Variants in MYH8 observed in about 807,000 individuals in gnomAD.
MYH8 encodes myosin heavy chain 8.
MYH8 carries 168 observed loss-of-function variants against 233.2 expected under a neutral mutation model. The observed-to-expected ratio is 0.72, with a 90% CI of 0.64 to 0.82. The LOEUF (loss-of-function observed/expected upper bound fraction) is 0.82. Among genes scored for constraint, MYH8 ranks in the 40% least tolerant of loss-of-function variants. The pLI is 0.00. For synonymous variants in MYH8, 785 were observed against 850.6 expected (o/e 0.92, Z 1.34); for missense variants, 1,995 against 2,327.8 (o/e 0.86, Z 2.94).
Position 10,410,852 on chromosome 17 carries a change from G to C in MYH8, c.1512C>G (p.Tyr504Ter), listed in dbSNP as rs192445309. 1 of 1,613,860 alleles carries C rather than the reference G, an allele frequency of 6.2e-7. No homozygotes were observed. Among genetic ancestry groups the C allele is most frequent in the African/African-American group, 1.3e-5 (1 of 74,948 alleles). ...ACGTCCACTCGATGCCTTCCTTCTT[G>C]TACTCCTCCTGCTCTAGCACAAACA... Reference protein sequence around the residue: ...HHMFVLEQEEYKKEGIEWTFI... With the variant: ...HHMFVLEQEE The change falls in exon 15 of 40, where the codon TAC becomes TAG. Residue 504 changes from tyrosine (Y) to a stop codon, truncating the protein, a stop_gained. Coordinates refer to ENST00000403437, the MANE Select transcript of MYH8 (RefSeq NM_002472.3). LOFTEE classifies it high-confidence loss of function.
At position 10,408,225 on chromosome 17, in the gene MYH8, C is replaced by T. The variant is rs375907836; in HGVS notation, c.1965+872G>A. Among the ~76,000 whole-genome samples, 121 of 152,236 alleles carry T rather than the reference C, an allele frequency of 7.9e-4. 1 individual carries two copies. The East Asian group carries it at 0.012, about 15-fold the overall frequency. ...AAGTGCTGGGATTACAGGTGTGAGC[C>T]ACTGCGCCCGGCCAAGAAGGCAGAT... On this transcript the variant is annotated intron_variant, in intron 17 of 39. Coordinates refer to ENST00000403437, the MANE Select transcript of MYH8 (RefSeq NM_002472.3).
intron 33 of MYH8, among the ~76,000 whole-genome samples, chr17:10,395,816 A>G (rs539950634): frequency 1.1e-4 from 17 of 152,256 alleles, no homozygotes; most frequent in Non-Finnish European, 2.1e-4. Flanking sequence ...TTCCGATTAC[A>G]TAATAAATGT....
Position 10,418,809 on chromosome 17 carries a change from G to A in MYH8, c.355-8C>T, listed in dbSNP as rs1269754033. 14 of 1,613,788 alleles carry A rather than the reference G, an allele frequency of 8.7e-6. No individual in the cohort carries two copies. The East Asian group carries it at 1.6e-4, about 18-fold the overall frequency. On this transcript the variant is annotated splice_polypyrimidine_tract_variant and splice_region_variant and intron_variant, in intron 4 of 39. Coordinates refer to ENST00000403437, the MANE Select transcript of MYH8 (RefSeq NM_002472.3). ...GAAGAGGCCTGAGTAGGTCTGGGAA[G>A]ATCAGAACATTTATCATTTGGATCT...
chr17:10,395,062 C>A (rs1249165495), intron 34 of MYH8, 71 bp downstream of exon 34: 1 of 1,560,224 alleles, frequency 6.4e-7, no homozygotes. Context: ...GATCGTTTAA[C>A]AAGGTGTTTG....
At chr17:10,418,579 G>T in intron 5 of MYH8, 66 bp downstream of exon 5, 2 of 1,611,650 alleles carry the variant, frequency 1.2e-6, no homozygotes, top group Admixed American at 1.7e-5. Flanking sequence ...AGGCTCGGAA[G>T]AGGTCTGTCT....
chr17:10,396,741 T>A lies in MYH8; in HGVS notation c.4363-23A>T, dbSNP rs765581701. ...GACCTGAAAAGCAATAAATCATGAG[T>A]TGATCCAAGGAGAAAGGAAGACCGA... On this transcript the variant is annotated intron_variant, in intron 31 of 39. Transcript: ENST00000403437. The surrounding 1 kb of genome is among the most constrained non-coding windows in gnomAD (Gnocchi z 4.2). 2 of 1,614,028 alleles carry A rather than the reference T, an allele frequency of 1.2e-6. No homozygotes were observed. The highest frequency in any genetic ancestry group is 2.7e-5 in the African/African-American group (2 of 74,896).
chr17:10,418,960 G>A lies in MYH8; in HGVS notation c.281C>T (p.Ala94Val). ...PPKYDKIEDM[A>V]MMTHLHEPGV... is the part of the protein sequence containing the mutation. Reference sequence around the variant, plus strand: ...AGGCTCGTGTAGATGAGTCATCATGGCCATGTCCTCAATTTTGTCATATTT... The same window carrying A: ...AGGCTCGTGTAGATGAGTCATCATGACCATGTCCTCAATTTTGTCATATTT... Residue 94 changes from alanine (A) to valine (V), a missense_variant, in exon 4 of 40, where the codon GCC (alanine) becomes GTC (valine). By Grantham distance (64) the Ala-to-Val change is moderately conservative. Coordinates refer to ENST00000403437, the MANE Select transcript of MYH8 (RefSeq NM_002472.3). 6.2e-7 allele frequency: 1 copy of A among 1,613,884 alleles called. No homozygotes were observed.
At chr17:10,401,811 TAG>T in intron 22 of MYH8, 26 bp from the exon 23 acceptor site, 2 of 1,614,068 alleles carry the variant, frequency 1.2e-6, no homozygotes, top group East Asian at 4.5e-5. Context: ...TTCAGATACT[TAG>T]AGTCTGTTAC....
In MYH8 at chr17:10,392,867, C is replaced by T. The variant is rs368321107; in HGVS notation, c.5427G>A (p.Lys1809=). ...RLDEAEQLAL[K]GGKKQIQKLE... is the part of the protein sequence containing the mutation. The stretch of plus-strand genomic sequence containing the variant: ...GTTTCTGGATCTGCTTCTTCCCACC[C>T]TTCAGCGCCAGCTGCTCGGCCTCAT... The change falls in exon 37 of 40, where the codon AAG becomes AAA. Residue 1809 remains lysine (K), a synonymous_variant. Coordinates refer to ENST00000403437, the MANE Select transcript of MYH8 (RefSeq NM_002472.3). 2 of 1,614,088 alleles carry T rather than the reference C, an allele frequency of 1.2e-6. No homozygotes were observed. Among genetic ancestry groups the T allele is most frequent in the Non-Finnish European group, 1.7e-6 (2 of 1,180,046 alleles).
In MYH8 at chr17:10,400,883, T is replaced by C. The variant is rs778111589; in HGVS notation, c.3331A>G (p.Ile1111Val). Reference protein sequence around the residue: ...QAVEIQLQKKIKELQARIEEL... With the variant: ...QAVEIQLQKKVKELQARIEEL... ...AGATGACTCACCTGCAACTCTTTGA[T>C]CTTCTTCTGTAGTTGAATTTCTACA... is the stretch of plus-strand genomic sequence containing the variant. Residue 1111 changes from isoleucine to valine, a missense_variant, in exon 26 of 40, where the codon ATC (isoleucine) becomes GTC (valine). Physicochemically the swap from Ile to Val is conservative, Grantham distance 29 (BLOSUM62 3). Coordinates refer to ENST00000403437, the MANE Select transcript of MYH8 (RefSeq NM_002472.3). This position sits in a 1 kb window ranked among gnomAD's most constrained non-coding sequence, Gnocchi z 4.0. 1 of 1,613,908 alleles carries C rather than the reference T, an allele frequency of 6.2e-7. No individual in the cohort carries two copies. Among genetic ancestry groups the C allele is most frequent in the Non-Finnish European group, 8.5e-7 (1 of 1,180,022 alleles).
Position 10,404,559 on chromosome 17 carries a change from T to A in MYH8, c.2459A>T (p.Asn820Ile). 1 of 1,614,040 alleles carries A rather than the reference T, an allele frequency of 6.2e-7. No homozygotes were observed. Among genetic ancestry groups the A allele is most frequent in the Non-Finnish European group, 8.5e-7 (1 of 1,179,914 alleles). Residue 820 changes from asparagine to isoleucine, a missense_variant, in exon 22 of 40, where the codon AAT (asparagine) becomes ATT (isoleucine). By Grantham distance (149) the Asn-to-Ile change is moderately radical. Coordinates refer to ENST00000403437, the MANE Select transcript of MYH8 (RefSeq NM_002472.3). Reference sequence around the variant, plus strand: ...CTTGACGTTCATGAAGGCACGGACATTATACTGGATGCAGAAAAGTGCTTC... The same window carrying A: ...CTTGACGTTCATGAAGGCACGGACAATATACTGGATGCAGAAAAGTGCTTC... ...RREALFCIQY[N>I]VRAFMNVKHW...
chr17:10,418,905 A>G lies in MYH8; in HGVS notation c.336T>C (p.Tyr112=). The G allele has an allele frequency of 1.2e-6, 2 of 1,614,148 alleles. No homozygotes were observed. The highest frequency in any genetic ancestry group is 2.2e-5 in the East Asian group (1 of 44,882). The change falls in exon 4 of 40, where the codon TAT becomes TAC. Residue 112 remains tyrosine, a synonymous_variant. Transcript: ENST00000403437. ...CACTCACGTAGATCATCCAGGCTGC[A>G]TAGCGCTCTTTGAGGTTGTACAGCA... is the stretch of plus-strand genomic sequence containing the variant. ...PGVLYNLKER[Y]AAWMIYTYSG...
rs756057621 is a variant in MYH8, at chr17:10,406,390, C to T, written c.2179G>A (p.Val727Ile). 3.4e-5 allele frequency: 55 copies of T among 1,613,850 alleles called. No individual in the cohort carries two copies. The East Asian group carries it at 1.2e-3, about 35-fold the overall frequency. ...TCTGGAATAGCACTTGCATTTAAAA[C>T]CTTGTATCTGCTCAGTTAAAGAAAG... ...LYGDFKQRYK[V>I]LNASAIPEGQ... Residue 727 changes from valine (V) to isoleucine (I), a missense_variant, in exon 20 of 40, where the codon GTT becomes ATT. By Grantham distance (29) the Val-to-Ile change is conservative. Transcript: ENST00000403437.
chr17:10,392,029 T>C (rs777900264), intron 38 of MYH8, 52 bp from the exon 39 acceptor site: 4 of 1,452,028 alleles, frequency 2.8e-6, no homozygotes, highest in African/African-American at 1.4e-5. Context: ...ATAAGGCTAC[T>C]CTGGGTACTA....
Position 10,420,222 on chromosome 17 carries a change from A to G in MYH8, c.6T>C (p.Ser2=), listed in dbSNP as rs369384038. The G allele has an allele frequency of 3.7e-6, 6 of 1,612,870 alleles. No individual in the cohort carries two copies. The African/African-American group carries it at 4.0e-5, about 11-fold the overall frequency. The part of the protein sequence containing the change: M[S]ASSDAEMAVF... ...CAGCCATCTCAGCGTCTGAGCTCGC[A>G]CTCATGGCTGCGATTTATTTAGCAA... Residue 2 remains serine, a synonymous_variant, in exon 3 of 40, where the codon AGT becomes AGC. Transcript: ENST00000403437.
At chr17:10,395,945 A>G (rs2072074567) in intron 33 of MYH8, among the ~76,000 whole-genome samples, 1 of 152,084 alleles carries the variant, frequency 6.6e-6, no homozygotes, top group South Asian at 2.1e-4. Flanking sequence ...TCCTACTTCT[A>G]TATATTTTTA....
In MYH8 at chr17:10,400,669, C is replaced by T; in HGVS notation, c.3456G>A (p.Arg1152=). Residue 1152 remains arginine, a synonymous_variant, in exon 27 of 40, where the codon AGG becomes AGA. Coordinates refer to ENST00000403437, the MANE Select transcript of MYH8 (RefSeq NM_002472.3). This position sits in a 1 kb window ranked among gnomAD's most constrained non-coding sequence, Gnocchi z 4.0. ...AAGTTGCCCCACCGGCTTCTTCCAG[C>T]CTCTCGCTGATCTCCTCCAGTTCCC... ...LSRELEEISE[R]LEEAGGATSA... is the part of the protein sequence containing the mutation. 1 of 1,614,202 alleles carries T rather than the reference C, an allele frequency of 6.2e-7. No homozygotes were observed. Among genetic ancestry groups the T allele is most frequent in the South Asian group, 1.1e-5 (1 of 91,086 alleles).
At position 10,414,045 on chromosome 17, in the gene MYH8, C is replaced by T; in HGVS notation, c.1009-5G>A. On this transcript the variant is annotated splice_region_variant and splice_polypyrimidine_tract_variant and intron_variant, in intron 11 of 39. Transcript: ENST00000403437. ...GCCCAGGATGTCAATGGCACTCTAC[C>T]AGGAAAAATGAGAGGACAAAAGTTA... The T allele has an allele frequency of 6.2e-7, 1 of 1,614,024 alleles. No homozygotes were observed. The highest frequency in any genetic ancestry group is 8.5e-7 in the Non-Finnish European group (1 of 1,179,980).
rs143531631 is a variant in MYH8, at chr17:10,401,384, T to G, written c.2999A>C (p.Lys1000Thr). 1.3e-4 allele frequency: 215 copies of G among 1,614,056 alleles called. 2 individuals are homozygous for G. In the East Asian group the frequency reaches 4.7e-3, roughly 35 times the overall value. Residue 1000 changes from lysine (K) to threonine (T), a missense_variant, in exon 24 of 40, where the codon AAG (lysine) becomes ACG (threonine). Coordinates refer to ENST00000403437, the MANE Select transcript of MYH8 (RefSeq NM_002472.3). ...ETIAKLSKEKKALQETHQQTL... is the reference protein window; with the variant it reads ...ETIAKLSKEKTALQETHQQTL... Reference sequence around the variant, plus strand: ...CTGCTGGTGGGTCTCTTGGAGAGCCTTCTTCTCCTTGGACAGTTTTGCAAT... The same window carrying G: ...CTGCTGGTGGGTCTCTTGGAGAGCCGTCTTCTCCTTGGACAGTTTTGCAAT...
Sources: gnomAD v4.1 joint callset for allele counts (sites outside exome capture counted in the v4.1 genomes callset) on GRCh38, gnomAD v4.1.1 for gene constraint, Gnocchi (gnomAD v3.1) non-coding constraint, MANE v1.5 for transcripts, NCBI Gene and HGNC (gene_info 2026-07-23, HGNC 2026-07-21) for gene names.